Variants in CDH12 observed in about 807,000 individuals in gnomAD.
CDH12 encodes cadherin-12.
CDH12 carries 41 observed loss-of-function variants against 74.1 expected under a neutral mutation model. The ratio of observed to expected loss-of-function variants is 0.55; its 90% CI spans 0.43 to 0.72. The LOEUF (loss-of-function observed/expected upper bound fraction) is 0.72. Among genes scored for constraint, CDH12 ranks in the 30% least tolerant of loss-of-function variants. The probability of loss-of-function intolerance (pLI) is 0.00; values close to 1 mark genes in which losing one functional copy is unlikely to be tolerated. For synonymous variants in CDH12, 399 were observed against 355.0 expected (o/e 1.12, Z -1.39); for missense variants, 945 against 977.2 (o/e 0.97, Z 0.44).
chr5:22,513,189 C>G (rs374629844), intron 1 of CDH12, among the ~76,000 whole-genome samples: 1 of 152,132 alleles, frequency 6.6e-6, no homozygotes, highest in Non-Finnish European at 1.5e-5. Context: ...CTGTGGTGCA[C>G]GGTACTTAGA....
intron 2 of CDH12, among the ~76,000 whole-genome samples, chr5:22,429,220 C>T (rs1011468028): frequency 1.3e-5 from 2 of 152,018 alleles, no homozygotes; most frequent in Non-Finnish European, 1.5e-5. Context: ...AGCCCCCACC[C>T]TCCTGGGCTC....
intron 3 of CDH12, among the ~76,000 whole-genome samples, chr5:22,384,030 A>T (rs1279350613): frequency 6.6e-6 from 1 of 152,036 alleles, no homozygotes; most frequent in East Asian, 1.9e-4. Flanking sequence ...GTTTTGCTAG[A>T]TTTAAGCTTT....
At chr5:22,393,361 T>C (rs922067853) in intron 3 of CDH12, among the ~76,000 whole-genome samples, 20 of 152,144 alleles carry the variant, frequency 1.3e-4, no homozygotes, top group African/African-American at 4.6e-4. Context: ...CTAGGTCACT[T>C]AAGGAAATAT....
At chr5:22,166,401 T>A (rs1019254048) in intron 4 of CDH12, among the ~76,000 whole-genome samples, 1 of 152,184 alleles carries the variant, frequency 6.6e-6, no homozygotes, top group Non-Finnish European at 1.5e-5. Context: ...GTCAATGGGT[T>A]TTTTTGCTTA....
intron 1 of CDH12, among the ~76,000 whole-genome samples, chr5:22,635,256 T>C (rs1489922150): frequency 6.6e-6 from 1 of 152,162 alleles, no homozygotes. Flanking sequence ...ACAATTTTCT[T>C]TTCGACAGTG....
At chr5:22,044,960 T>C (rs1739831799) in intron 5 of CDH12, among the ~76,000 whole-genome samples, 1 of 152,192 alleles carries the variant, frequency 6.6e-6, no homozygotes, top group South Asian at 2.1e-4. Flanking sequence ...TAAAAGCTTC[T>C]ATACAGCAAA....
intron 9 of CDH12, among the ~76,000 whole-genome samples, chr5:21,803,566 A>G (rs968764186): frequency 6.6e-6 from 1 of 152,172 alleles, no homozygotes; most frequent in African/African-American, 2.4e-5. Flanking sequence ...TATGTCCACA[A>G]TAACTGAAAA....
At position 22,462,945 on chromosome 5, in the gene CDH12, A is replaced by G. The variant is rs562615555; in HGVS notation, c.-428+42325T>C. On this transcript the variant is annotated intron_variant, in intron 2 of 14. Coordinates refer to ENST00000382254, the MANE Select transcript of CDH12 (RefSeq NM_004061.5). ...CCATGATGAAAAATTTGTTTCATTA[A>G]AGATTCCAAGAGAACAAAATATCAT... is the stretch of plus-strand genomic sequence containing the variant. Among the ~76,000 whole-genome samples, 17 of 152,330 alleles carry G rather than the reference A, an allele frequency of 1.1e-4. No homozygotes were observed. In the South Asian group the frequency reaches 3.3e-3, roughly 30 times the overall value.
intron 3 of CDH12, among the ~76,000 whole-genome samples, chr5:22,254,132 A>C (rs1580451068): frequency 6.6e-6 from 1 of 151,780 alleles, no homozygotes; most frequent in South Asian, 2.1e-4. Flanking sequence ...TTTGCTCTTT[A>C]ATGTAACCTG....
chr5:22,663,193 T>C (rs148860802), intron 1 of CDH12, among the ~76,000 whole-genome samples: 215 of 152,196 alleles, frequency 1.4e-3, no homozygotes, highest in African/African-American at 4.5e-3. Flanking sequence ...GAGAACCAGT[T>C]AAAAGACAAA....
At chr5:22,185,496 T>A (rs1270269942) in intron 4 of CDH12, among the ~76,000 whole-genome samples, 1 of 152,202 alleles carries the variant, frequency 6.6e-6, no homozygotes, top group Non-Finnish European at 1.5e-5. Flanking sequence ...GTAACCTGAA[T>A]CCTAAATTGG....
chr5:22,506,289 TC>T (rs34830180), intron 1 of CDH12, among the ~76,000 whole-genome samples: 18,144 of 152,118 alleles, frequency 0.12, 1,091 homozygotes, highest in South Asian at 0.15. Flanking sequence ...TTACCTATTC[TC>T]CCCATTTGTT....
intron 4 of CDH12, among the ~76,000 whole-genome samples, chr5:22,187,903 TAGAG>T (rs1418480042): frequency 3.3e-5 from 5 of 152,158 alleles, no homozygotes; most frequent in African/African-American, 9.7e-5. Flanking sequence ...ACAACTGAAA[TAGAG>T]AGAGGAAATG....
At chr5:22,140,371 T>A (rs1746716187) in intron 4 of CDH12, among the ~76,000 whole-genome samples, 1 of 152,030 alleles carries the variant, frequency 6.6e-6, no homozygotes, top group Non-Finnish European at 1.5e-5. Flanking sequence ...ATTACATAAG[T>A]AATGCCAAAA....
At chr5:22,627,685 G>A (rs139878241) in intron 1 of CDH12, among the ~76,000 whole-genome samples, 28 of 152,180 alleles carry the variant, frequency 1.8e-4, no homozygotes, top group African/African-American at 6.3e-4. Flanking sequence ...CATTAAGTAT[G>A]CATAATAACC....
At chr5:22,373,887 C>A (rs1741404390) in intron 3 of CDH12, among the ~76,000 whole-genome samples, 1 of 152,140 alleles carries the variant, frequency 6.6e-6, no homozygotes, top group Admixed American at 6.5e-5. Flanking sequence ...ATGAAAAAAT[C>A]AAGGAAATAT....
At chr5:21,825,773 A>G (rs758295519) in intron 8 of CDH12, among the ~76,000 whole-genome samples, 1 of 152,136 alleles carries the variant, frequency 6.6e-6, no homozygotes, top group Admixed American at 6.6e-5. Context: ...TCTGAAGCAC[A>G]TCTCTTCTGA....
At chr5:22,207,537 A>G (rs973351898) in intron 4 of CDH12, among the ~76,000 whole-genome samples, 1 of 152,352 alleles carries the variant, frequency 6.6e-6, no homozygotes, top group African/African-American at 2.4e-5. Flanking sequence ...ATACCAAGTT[A>G]GATTGTTGAC....
At chr5:21,861,413 A>G (rs373193836) in intron 6 of CDH12, among the ~76,000 whole-genome samples, 12 of 152,078 alleles carry the variant, frequency 7.9e-5, no homozygotes, top group African/African-American at 2.9e-4. Flanking sequence ...GCTTAACTAA[A>G]ATAAAAATAT....
Sources: gnomAD v4.1 joint callset for allele counts (sites outside exome capture counted in the v4.1 genomes callset) on GRCh38, gnomAD v4.1.1 for gene constraint, MANE v1.5 for transcripts, NCBI Gene and HGNC (gene_info 2026-07-23, HGNC 2026-07-21) for gene names.